Variants in OR2L13 observed in about 807,000 individuals in gnomAD.
OR2L13 encodes olfactory receptor family 2 subfamily L member 13, also known as olfactory receptor 2L13.
In OR2L13, 14 loss-of-function variants were observed where a neutral mutation model predicts 15.3. The observed-to-expected ratio is 0.91, with a 90% CI of 0.60 to 1.43. The LOEUF is 1.43. Among genes scored for constraint, OR2L13 ranks in the 40% most tolerant of loss-of-function variants. The probability of loss-of-function intolerance (pLI) is 0.00; values close to 1 mark genes in which losing one functional copy is unlikely to be tolerated. For missense variants in OR2L13, 367 were observed against 387.9 expected, an observed-to-expected ratio of 0.95 and a Z score of 0.45; for synonymous variants, 152 against 142.9, an observed-to-expected ratio of 1.06 and a Z score of -0.45.
the OR2L13 span, among the ~76,000 whole-genome samples, chr1:247,947,937 T>C: frequency 6.6e-6 from 1 of 151,810 alleles, no homozygotes; most frequent in Non-Finnish European, 1.5e-5. Flanking sequence ...TAAACATGGG[T>C]TGGGTGGGGA....
the OR2L13 span, among the ~76,000 whole-genome samples, chr1:247,964,429 C>T: frequency 6.6e-6 from 1 of 152,066 alleles, no homozygotes; most frequent in Non-Finnish European, 1.5e-5. Flanking sequence ...GAAAATAACA[C>T]ATGACTTCCA....
At chr1:248,052,795 A>AT in the OR2L13 span, among the ~76,000 whole-genome samples, 1 of 151,958 alleles carries the variant, frequency 6.6e-6, no homozygotes, top group Non-Finnish European at 1.5e-5. Context: ...AAAAGTCAAG[A>AT]TTTTTTGACT....
the OR2L13 span, among the ~76,000 whole-genome samples, chr1:247,983,137 A>G: frequency 6.6e-5 from 10 of 152,324 alleles, no homozygotes; most frequent in African/African-American, 2.2e-4. Context: ...TGTAATCTGG[A>G]TAAGTCCACT....
the OR2L13 span, among the ~76,000 whole-genome samples, chr1:248,070,099 C>T: frequency 8.6e-5 from 13 of 152,000 alleles, no homozygotes; most frequent in Admixed American, 2.6e-4. Flanking sequence ...ACCCAGGAAT[C>T]GAACTCAGCT....
At chr1:247,943,941 G>A in the OR2L13 span, among the ~76,000 whole-genome samples, 1 of 152,078 alleles carries the variant, frequency 6.6e-6, no homozygotes, top group Non-Finnish European at 1.5e-5. Flanking sequence ...CGAAAAGACT[G>A]TCCCTTCTCC....
At chr1:247,940,569 T>C in the OR2L13 span, among the ~76,000 whole-genome samples, 1 of 152,090 alleles carries the variant, frequency 6.6e-6, no homozygotes, top group Non-Finnish European at 1.5e-5. Flanking sequence ...AAGTTTTGGG[T>C]TGAATTTAAC....
At chr1:248,074,675 T>C in the OR2L13 span, among the ~76,000 whole-genome samples, 1 of 152,112 alleles carries the variant, frequency 6.6e-6, no homozygotes, top group Non-Finnish European at 1.5e-5. Flanking sequence ...TGAAGACTAC[T>C]AAAGAGGTTA....
chr1:247,991,083 T>C, the OR2L13 span: 1 of 1,591,068 alleles, frequency 6.3e-7, no homozygotes, highest in Non-Finnish European at 8.6e-7. Flanking sequence ...AGGACAAGGT[T>C]CTGGCTGTCT....
the OR2L13 span, chr1:247,975,666 CT>C: frequency 9.4e-7 from 1 of 1,064,706 alleles, no homozygotes; most frequent in Non-Finnish European, 1.4e-6. Flanking sequence ...TGAAGACAAA[CT>C]TTCTGCCTTA....
the OR2L13 span, among the ~76,000 whole-genome samples, chr1:248,052,636 C>T: frequency 5.3e-5 from 8 of 152,100 alleles, no homozygotes; most frequent in African/African-American, 1.9e-4. Context: ...GAGGCTAAGC[C>T]AGGAGAATGG....
the OR2L13 span, among the ~76,000 whole-genome samples, chr1:247,985,423 C>A: frequency 6.6e-6 from 1 of 152,134 alleles, no homozygotes; most frequent in Non-Finnish European, 1.5e-5. Flanking sequence ...ATCCATGTCC[C>A]TACAAAGGGC....
chr1:247,956,359 G>C, the OR2L13 span, among the ~76,000 whole-genome samples: 117,976 of 148,606 alleles, frequency 0.79, 50,913 homozygotes, highest in South Asian at 0.95. Flanking sequence ...TTGTAGTATA[G>C]TTTGAAGTCA....
chr1:248,043,895 T>G, the OR2L13 span, among the ~76,000 whole-genome samples: 1 of 152,142 alleles, frequency 6.6e-6, no homozygotes, highest in Admixed American at 6.5e-5. Flanking sequence ...TTTTCTTAAT[T>G]AGTATATTTT....
intron 2 of OR2L13, among the ~76,000 whole-genome samples, 152 bp downstream of exon 2, chr1:248,098,927 CT>C (rs1374770936): frequency 6.6e-6 from 1 of 152,102 alleles, no homozygotes; most frequent in Admixed American, 6.5e-5. Flanking sequence ...AAGGAAAAGC[CT>C]AGGCATAAAA....
chr1:248,028,002 G>T, the OR2L13 span, among the ~76,000 whole-genome samples: 2 of 151,808 alleles, frequency 1.3e-5, no homozygotes, highest in South Asian at 4.2e-4. Flanking sequence ...TTAGCTGGGC[G>T]TGGTTGTGGG....
chr1:248,040,699 T>C, the OR2L13 span: 137 of 152,316 alleles, frequency 9.0e-4, no homozygotes, highest in African/African-American at 3.2e-3. Flanking sequence ...GTTGTGTTAA[T>C]TGAATGCTTA....
At chr1:248,030,285 G>T in the OR2L13 span, 3 of 152,288 alleles carry the variant, frequency 2.0e-5, no homozygotes, top group South Asian at 4.1e-4. Context: ...CAGCGAAGAA[G>T]GGACTCTGGC....
chr1:248,074,214 C>G, the OR2L13 span, among the ~76,000 whole-genome samples: 72 of 152,114 alleles, frequency 4.7e-4, 1 homozygote, highest in African/African-American at 1.6e-3. Context: ...CAGTAAGCAT[C>G]TTAGAAGGTG....
chr1:248,021,988 TG>T, the OR2L13 span: 11 of 1,613,906 alleles, frequency 6.8e-6, no homozygotes, highest in Non-Finnish European at 9.3e-6. Flanking sequence ...TTCATCTTAT[TG>T]GGGCTGTTCC....
Sources: gnomAD v4.1 joint callset for allele counts (sites outside exome capture counted in the v4.1 genomes callset) on GRCh38, gnomAD v4.1.1 for gene constraint, MANE v1.5 for transcripts, NCBI Gene and HGNC (gene_info 2026-07-23, HGNC 2026-07-21) for gene names.